AKT2: variants seen among roughly 807,000 people sequenced by gnomAD.
The protein encoded by AKT2 is RAC-beta serine/threonine-protein kinase.
AKT2 carries 16 observed loss-of-function variants against 58.6 expected under a neutral mutation model. The observed-to-expected ratio is 0.27, with a 90% confidence interval of 0.18 to 0.41. The LOEUF is 0.41. Ranked by LOEUF, AKT2 falls within the 10% of genes least tolerant of loss-of-function variation. The probability of loss-of-function intolerance (pLI) is 1.00; values close to 1 mark genes in which losing one functional copy is unlikely to be tolerated. For missense variants in AKT2, 438 were observed against 661.0 expected, an observed-to-expected ratio of 0.66 and a Z score of 3.70; for synonymous variants, 253 against 254.0, an observed-to-expected ratio of 1.00 and a Z score of 0.04.
intron 1 of AKT2, among the ~76,000 whole-genome samples, chr19:40,278,113 C>T (rs565825677): frequency 7.7e-4 from 118 of 152,326 alleles, no homozygotes; most frequent in Non-Finnish European, 4.0e-4. Context: ...TTTGTGCCAG[C>T]TCTGTCTAGG....
intron 2 of AKT2, among the ~76,000 whole-genome samples, chr19:40,262,600 G>A (rs972938744): frequency 1.5e-4 from 23 of 152,208 alleles, no homozygotes; most frequent in African/African-American, 5.1e-4. Flanking sequence ...TGGGTGAGAG[G>A]CAGCACGTGG....
intron 1 of AKT2, among the ~76,000 whole-genome samples, chr19:40,281,692 T>A (rs2077427025): frequency 1.3e-5 from 2 of 152,234 alleles, no homozygotes; most frequent in South Asian, 4.1e-4. Flanking sequence ...ATTTCAGCCC[T>A]GATCTCCTCC....
intron 4 of AKT2, among the ~76,000 whole-genome samples, chr19:40,247,367 G>C (rs1017958091): frequency 5.3e-5 from 8 of 152,208 alleles, no homozygotes; most frequent in African/African-American, 1.9e-4. Flanking sequence ...TCAAGAGCCA[G>C]CATTTCTGCT....
rs1974004867 is a variant in AKT2 at position 40,236,031 on chromosome 19, C to T, written c.1034G>A (p.Cys345Tyr). 1 of 1,614,114 alleles carries T rather than the reference C, an allele frequency of 6.2e-7. No individual in the cohort carries two copies. The highest frequency in any genetic ancestry group is 8.5e-7 in the Non-Finnish European group (1 of 1,180,020). The change falls in exon 11 of 14, where the codon TGC becomes TAC. Residue 345 changes from cysteine (C) to tyrosine (Y), a missense_variant. Physicochemically the swap from Cys to Tyr is radical, Grantham distance 194. This residue lies in a region of AKT2 where 148 missense variants were observed against 199.5 expected (regional missense o/e 0.74). Coordinates refer to ENST00000392038, the MANE Select transcript of AKT2 (RefSeq NM_001626.6). ...CTGGTTGTAGAAGGGCAGGCGGCCG[C>T]ACATCATCTCGTACATGACCACACC... ...GLGVVMYEMM[C>Y]GRLPFYNQDH...
chr19:40,242,545 G>A lies in AKT2; in HGVS notation c.430C>T (p.Arg144Trp), dbSNP rs575460456. ...EEMEVAVSKA[R>W]AKVTMNDFDY... ...CTCCCAGCACTTACCACTTTAGCCC[G>A]TGCCTTGCTGACCGCCACTTCCATC... Residue 144 changes from arginine (R) to tryptophan (W), a missense_variant, in exon 5 of 14, where the codon CGG becomes TGG. Physicochemically the swap from Arg to Trp is moderately radical, Grantham distance 101 (BLOSUM62 -3). Coordinates refer to ENST00000392038, the MANE Select transcript of AKT2 (RefSeq NM_001626.6). The surrounding 1 kb of genome is among the most constrained non-coding windows in gnomAD (Gnocchi z 4.3). 9.3e-6 allele frequency: 15 copies of A among 1,613,580 alleles called. No individual in the cohort carries two copies. The highest frequency in any genetic ancestry group is 1.6e-4 in the Middle Eastern group (1 of 6,084).
At chr19:40,282,340 G>C (rs1397630473) in intron 1 of AKT2, 25 of 387,732 alleles carry the variant, frequency 6.4e-5, no homozygotes, top group Non-Finnish European at 1.3e-4. Flanking sequence ...CAAGGTCGCA[G>C]AGCTAGAACC....
At chr19:40,269,243 A>G (rs1004118198) in intron 1 of AKT2, among the ~76,000 whole-genome samples, 11 of 151,974 alleles carry the variant, frequency 7.2e-5, no homozygotes, top group African/African-American at 2.2e-4. Flanking sequence ...GCCCCACCAC[A>G]CTCATTACTT....
chr19:40,242,308 A>C lies in AKT2; in HGVS notation c.441+226T>G. On this transcript the variant is annotated intron_variant, in intron 5 of 13. Coordinates refer to ENST00000392038, the MANE Select transcript of AKT2 (RefSeq NM_001626.6). The surrounding 1 kb of genome is among the most constrained non-coding windows in gnomAD (Gnocchi z 4.3). ...CGTGGGGGTAGCCAGGTCTTCACCA[A>C]CTCCCAGGACGAACCTGCAGTGGGT... The C allele has an allele frequency of 1.2e-6, 1 of 856,980 alleles. No individual in the cohort carries two copies. The highest frequency in any genetic ancestry group is 1.8e-6 in the Non-Finnish European group (1 of 547,516). 53.1% of individuals were successfully genotyped at this position (856,980 alleles called of 1,614,324 possible).
At chr19:40,249,048 G>C (rs1272349713) in intron 4 of AKT2, among the ~76,000 whole-genome samples, 2 of 151,528 alleles carry the variant, frequency 1.3e-5, no homozygotes, top group African/African-American at 4.9e-5. Flanking sequence ...AGGAGTGGAG[G>C]AGATGAGGAC....
At chr19:40,260,628 CAAAAAAAAAAAAAAAAAA>C (rs34124347) in intron 2 of AKT2, among the ~76,000 whole-genome samples, 1 of 25,006 alleles carries the variant, frequency 4.0e-5, no homozygotes, top group African/African-American at 2.3e-4. Context: ...GATTCCATCT[CAAAAAAAAAAAAAAAAAA>C]AAAAAAAAAA....
intron 6 of AKT2, 131 bp downstream of exon 6, chr19:40,241,807 G>T: frequency 1.4e-6 from 2 of 1,402,306 alleles, no homozygotes; most frequent in Non-Finnish European, 9.8e-7. Context: ...CCCCTTTTCT[G>T]ACTAGGGGGA....
At chr19:40,265,656 A>C in intron 1 of AKT2, 1 of 367,948 alleles carries the variant, frequency 2.7e-6, no homozygotes, top group Non-Finnish European at 5.2e-6. Flanking sequence ...CTGACTGAGC[A>C]AGCATCAAGG....
At chr19:40,239,197 G>T in intron 7 of AKT2, 1 of 529,820 alleles carries the variant, frequency 1.9e-6, no homozygotes, top group East Asian at 3.1e-5. Flanking sequence ...GAACCATCTT[G>T]TCCTCTGCCT....
At chr19:40,278,088 A>G (rs1040607778) in intron 1 of AKT2, among the ~76,000 whole-genome samples, 4 of 152,168 alleles carry the variant, frequency 2.6e-5, no homozygotes, top group Non-Finnish European at 5.9e-5. Flanking sequence ...TCATTTCTGG[A>G]TTACTGAGGC....
intron 1 of AKT2, among the ~76,000 whole-genome samples, chr19:40,271,248 T>C (rs752843973): frequency 1.4e-5 from 2 of 146,296 alleles, no homozygotes; most frequent in African/African-American, 2.5e-5. Flanking sequence ...TATGTATATA[T>C]ACACGTATAT....
At chr19:40,263,005 G>A (rs1317427879) in intron 2 of AKT2, among the ~76,000 whole-genome samples, 1 of 152,122 alleles carries the variant, frequency 6.6e-6, no homozygotes, top group Non-Finnish European at 1.5e-5. Context: ...GTGTGTGTAG[G>A]GTGCAAACCT....
intron 4 of AKT2, among the ~76,000 whole-genome samples, chr19:40,249,745 T>C (rs775051399): frequency 6.6e-6 from 1 of 152,196 alleles, no homozygotes; most frequent in Non-Finnish European, 1.5e-5. Flanking sequence ...GCTCAGAGAA[T>C]TTAATTATTT....
intron 4 of AKT2, among the ~76,000 whole-genome samples, chr19:40,254,875 A>G (rs1019900867): frequency 1.3e-5 from 2 of 151,758 alleles, no homozygotes; most frequent in East Asian, 3.9e-4. Context: ...GACCCTGGGC[A>G]GATCTCCAGG....
rs558686939 is a variant in AKT2, at chr19:40,271,202, T to C, written c.-84-5851A>G. Among the ~76,000 whole-genome samples, 114 of 132,806 alleles carry C rather than the reference T, an allele frequency of 8.6e-4. 1 individual carries two copies. In the Middle Eastern group the frequency reaches 0.015, roughly 17 times the overall value. The allele number at this position is 132,806 out of a possible 152,430, so 87.1% of individuals were successfully genotyped here. ...CAAAAAAAAAAAAAACATACGTACA[T>C]ACATACATACATATATATATATATA... is the stretch of plus-strand genomic sequence containing the variant. On this transcript the variant is annotated intron_variant, in intron 1 of 13. Transcript: ENST00000392038.
Sources: gnomAD v4.1 joint callset for allele counts (sites outside exome capture counted in the v4.1 genomes callset) on GRCh38, gnomAD v4.1.1 for gene constraint, gnomAD v4.1.1 regional missense constraint, Gnocchi (gnomAD v3.1) non-coding constraint, MANE v1.5 for transcripts, NCBI Gene and HGNC (gene_info 2026-07-23, HGNC 2026-07-21) for gene names.